The following CHCHD6 variants were observed in gnomAD, a reference collection of about 807,000 sequenced individuals.
CHCHD6 encodes the protein coiled-coil-helix-coiled-coil-helix domain containing 6.
CHCHD6 carries 28 observed loss-of-function variants against 32.3 expected under a neutral mutation model. The observed-to-expected ratio is 0.87, with a 90% CI of 0.64 to 1.19. The LOEUF is 1.19. Among genes scored for constraint, CHCHD6 ranks in the 50% most tolerant of loss-of-function variants. The probability of loss-of-function intolerance (pLI) is 0.00; values close to 1 mark genes in which losing one functional copy is unlikely to be tolerated. For missense variants in CHCHD6, 333 were observed against 307.0 expected, an observed-to-expected ratio of 1.08 and a Z score of -0.63; for synonymous variants, 122 against 117.5, an observed-to-expected ratio of 1.04 and a Z score of -0.25.
At chr3:126,705,112 A>T (rs1446408622) in intron 1 of CHCHD6, among the ~76,000 whole-genome samples, 1 of 152,050 alleles carries the variant, frequency 6.6e-6, no homozygotes, top group African/African-American at 2.4e-5. Context: ...TCTCTCCTTC[A>T]GCTCTCCTTA....
intron 5 of CHCHD6, among the ~76,000 whole-genome samples, chr3:126,873,272 G>GTGGT (rs1180257901): frequency 6.6e-6 from 1 of 152,216 alleles, no homozygotes. Context: ...ATGAGACCTG[G>GTGGT]TGGTTGTTCA....
intron 4 of CHCHD6, among the ~76,000 whole-genome samples, chr3:126,749,975 C>T (rs980040840): frequency 1.3e-5 from 2 of 152,306 alleles, no homozygotes; most frequent in East Asian, 3.9e-4. Flanking sequence ...CACCCACATC[C>T]ACCTTGGCCC....
intron 5 of CHCHD6, among the ~76,000 whole-genome samples, chr3:126,889,991 G>T (rs1345992884): frequency 1.3e-5 from 2 of 149,796 alleles, no homozygotes; most frequent in East Asian, 3.9e-4. Flanking sequence ...GACGGGCTTT[G>T]TCCAGGCCTG....
In CHCHD6 at chr3:126,767,962, G is replaced by A. The variant is rs551113260; in HGVS notation, c.411+34740G>A. Reference sequence around the variant, plus strand: ...TTATGTCTGCATAGTATTCCATGGTGTACATGTACCACATTTTGTTTATCC... The same window carrying A: ...TTATGTCTGCATAGTATTCCATGGTATACATGTACCACATTTTGTTTATCC... On this transcript the variant is annotated intron_variant, in intron 4 of 7. Coordinates refer to ENST00000290913, the MANE Select transcript of CHCHD6 (RefSeq NM_032343.3). Among the ~76,000 whole-genome samples the A allele has an allele frequency of 1.1e-3, 163 of 152,276 alleles. 1 individual carries two copies. The highest frequency in any genetic ancestry group is 3.6e-3 in the African/African-American group (148 of 41,552).
At chr3:126,718,327 T>G (rs1169665859) in intron 1 of CHCHD6, among the ~76,000 whole-genome samples, 3 of 152,368 alleles carry the variant, frequency 2.0e-5, no homozygotes, top group Middle Eastern at 3.4e-3. Context: ...TTTCACTTAA[T>G]AGCTAATATC....
chr3:126,723,696 C>T (rs1935412548), intron 1 of CHCHD6, among the ~76,000 whole-genome samples: 4 of 152,150 alleles, frequency 2.6e-5, no homozygotes, highest in Admixed American at 2.0e-4. Context: ...AGTTCTCTAT[C>T]TGTTGGATGT....
chr3:126,949,558 CCG>C, intron 6 of CHCHD6: 1 of 175,316 alleles, frequency 5.7e-6, no homozygotes, highest in Admixed American at 6.7e-5. Context: ...CGGACTGCCG[CCG>C]TGGACGGAAG....
At chr3:126,873,736 G>T (rs1027011796) in intron 5 of CHCHD6, among the ~76,000 whole-genome samples, 3 of 152,202 alleles carry the variant, frequency 2.0e-5, no homozygotes, top group Admixed American at 6.5e-5. Flanking sequence ...ACCAGCCATG[G>T]CTCCCTTTGT....
intron 4 of CHCHD6, among the ~76,000 whole-genome samples, chr3:126,762,227 T>C (rs1053051335): frequency 2.0e-5 from 3 of 152,178 alleles, no homozygotes; most frequent in Admixed American, 6.5e-5. Flanking sequence ...TTCTTTAAGT[T>C]ATAAACTTAG....
intron 6 of CHCHD6, among the ~76,000 whole-genome samples, chr3:126,956,585 G>T (rs930664610): frequency 1.2e-4 from 16 of 134,064 alleles, no homozygotes; most frequent in Non-Finnish European, 2.4e-4. Context: ...GCTGTTGTGT[G>T]TGTCAGTGTG....
chr3:126,788,549 C>T (rs1576416760), intron 4 of CHCHD6, among the ~76,000 whole-genome samples: 1 of 152,132 alleles, frequency 6.6e-6, no homozygotes, highest in Non-Finnish European at 1.5e-5. Context: ...CTGGTTTAGT[C>T]TTGGGAGGGC....
intron 4 of CHCHD6, among the ~76,000 whole-genome samples, chr3:126,803,648 C>T (rs886721001): frequency 6.6e-6 from 1 of 152,180 alleles, no homozygotes; most frequent in Admixed American, 6.5e-5. Context: ...CAACATTAGA[C>T]AGATCAACGA....
At chr3:126,921,075 A>C (rs555277503) in intron 6 of CHCHD6, among the ~76,000 whole-genome samples, 1 of 106,102 alleles carries the variant, frequency 9.4e-6, no homozygotes, top group African/African-American at 2.8e-5. Flanking sequence ...TTTGCCAAGC[A>C]GTAAAGGGCC....
At chr3:126,880,564 A>T (rs1327160443) in intron 5 of CHCHD6, among the ~76,000 whole-genome samples, 13 of 152,208 alleles carry the variant, frequency 8.5e-5, no homozygotes, top group Non-Finnish European at 7.4e-5. Flanking sequence ...CTCATCTGAT[A>T]GCCTTACCAT....
chr3:126,729,310 A>G (rs1935675433), intron 2 of CHCHD6, among the ~76,000 whole-genome samples: 1 of 152,170 alleles, frequency 6.6e-6, no homozygotes, highest in East Asian at 1.9e-4. Context: ...ACAGATGGCC[A>G]TACTCATGAC....
chr3:126,960,145 G>T, intron 7 of CHCHD6, 51 bp from the exon 8 acceptor site: 1 of 1,551,066 alleles, frequency 6.4e-7, no homozygotes, highest in Non-Finnish European at 8.7e-7. Context: ...CGGAGCTGGA[G>T]GGCATGGGCG....
intron 5 of CHCHD6, among the ~76,000 whole-genome samples, chr3:126,855,372 G>A (rs1484414319): frequency 6.6e-6 from 1 of 152,176 alleles, no homozygotes; most frequent in African/African-American, 2.4e-5. Context: ...TTTCTGCTGG[G>A]AGTTAATGGG....
intron 4 of CHCHD6, among the ~76,000 whole-genome samples, chr3:126,842,269 C>T (rs1941122145): frequency 6.6e-6 from 1 of 152,126 alleles, no homozygotes; most frequent in South Asian, 2.1e-4. Context: ...TAACCCTGGG[C>T]CCATCCCAGA....
At chr3:126,725,752 T>C (rs976943296) in intron 1 of CHCHD6, among the ~76,000 whole-genome samples, 1 of 152,254 alleles carries the variant, frequency 6.6e-6, no homozygotes, top group African/African-American at 2.4e-5. Flanking sequence ...CACTTGCTGC[T>C]TCACCTTGCA....
Sources: allele counts gnomAD v4.1 joint callset (sites outside exome capture counted in the v4.1 genomes callset), GRCh38; gene constraint gnomAD v4.1.1; transcripts MANE v1.5; gene names NCBI Gene and HGNC (gene_info 2026-07-23, HGNC 2026-07-21).